MIOS: variants seen among roughly 807,000 people sequenced by gnomAD.
The protein encoded by MIOS is meiosis regulator for oocyte development.
In MIOS, 52 loss-of-function variants were observed where a neutral mutation model predicts 96.9. That is an observed-to-expected ratio of 0.54 (90% CI 0.43 to 0.68). The LOEUF is 0.68. Among genes scored for constraint, MIOS ranks in the 30% least tolerant of loss-of-function variants. The pLI, the probability that MIOS is intolerant of heterozygous loss-of-function variation, is 0.00. For missense variants in MIOS, 1,005 were observed against 1,052.8 expected, an observed-to-expected ratio of 0.95 and a Z score of 0.63; for synonymous variants, 397 against 359.5, an observed-to-expected ratio of 1.10 and a Z score of -1.18.
intron 11 of MIOS, among the ~76,000 whole-genome samples, chr7:7,601,227 C>T (rs951836518): frequency 6.6e-6 from 1 of 151,004 alleles, no homozygotes; most frequent in African/African-American, 2.4e-5. Context: ...CAGAGCAGAA[C>T]TGAAGGAAAT....
In MIOS at chr7:7,579,922, G is replaced by A. The variant is rs183356018; in HGVS notation, c.1394-3196G>A. ...CCCTACTGTTAATCAACTCATGACT[G>A]GATTGTTCTCTATTCTGTTCCATGA... is the stretch of plus-strand genomic sequence containing the variant. On this transcript the variant is annotated intron_variant, in intron 5 of 12. Coordinates refer to ENST00000340080, the MANE Select transcript of MIOS (RefSeq NM_019005.4). Among the ~76,000 whole-genome samples the A allele has an allele frequency of 4.6e-5, 7 of 152,242 alleles. No homozygotes were observed. The East Asian group carries it at 1.3e-3, about 29-fold the overall frequency.
At chr7:7,586,132 T>G (rs1242874655) in intron 7 of MIOS, among the ~76,000 whole-genome samples, 1 of 151,770 alleles carries the variant, frequency 6.6e-6, no homozygotes, top group Non-Finnish European at 1.5e-5. Context: ...ATATATTCGC[T>G]GTTTACACTG....
At chr7:7,598,892 A>C (rs930066314) in intron 11 of MIOS, among the ~76,000 whole-genome samples, 1 of 152,094 alleles carries the variant, frequency 6.6e-6, no homozygotes, top group Non-Finnish European at 1.5e-5. Context: ...ACATTTTTCC[A>C]TATTTGTTAT....
intron 11 of MIOS, chr7:7,605,727 AT>A (rs928771972): frequency 1.6e-4 from 68 of 435,680 alleles, no homozygotes; most frequent in South Asian, 2.0e-4. Context: ...GTGGGTTTGG[AT>A]TTTTTTTTCC....
chr7:7,597,517 T>TATAA (rs372634070), intron 11 of MIOS, among the ~76,000 whole-genome samples: 3 of 70,410 alleles, frequency 4.3e-5, no homozygotes, highest in Non-Finnish European at 5.5e-5. Context: ...TATATATATA[T>TATAA]GAAGGCAATA....
At position 7,605,976 on chromosome 7, in the gene MIOS, C is replaced by T. The variant is rs772585869; in HGVS notation, c.2436C>T (p.Ser812=). The T allele has an allele frequency of 1.3e-5, 21 of 1,613,642 alleles. No homozygotes were observed. The highest frequency in any genetic ancestry group is 1.7e-5 in the Non-Finnish European group (20 of 1,179,776). ...AATCAGATGAAAAAGTGGACTTGAG[C>T]AAGGACAAAAAATTAGCCCAATTTA... ...GTKSDEKVDL[S]KDKKLAQFNN... is the part of the protein sequence containing the mutation. Residue 812 remains serine (S), a synonymous_variant, in exon 12 of 13, where the codon AGC becomes AGT. Coordinates refer to ENST00000340080, the MANE Select transcript of MIOS (RefSeq NM_019005.4).
chr7:7,603,656 A>C (rs1476990647), intron 11 of MIOS, among the ~76,000 whole-genome samples: 1 of 152,190 alleles, frequency 6.6e-6, no homozygotes, highest in African/African-American at 2.4e-5. Context: ...CAGTGTGGCG[A>C]TTCCTCAGGG....
intron 5 of MIOS, chr7:7,581,768 G>A (rs1403871799): frequency 1.3e-5 from 2 of 152,178 alleles, no homozygotes; most frequent in Non-Finnish European, 2.9e-5. Context: ...ACATCTTCAA[G>A]ATCATCAGCA....
rs1188018136 is a variant in MIOS at position 7,607,844 on chromosome 7, T to C, written c.*752T>C. ...TCAGGTGAACATACAAAATTTTCAC[T>C]TTCTACCTTTTGCCTTCCAATGTCC... is the stretch of plus-strand genomic sequence containing the variant. On this transcript the variant is annotated 3_prime_UTR_variant, in exon 13 of 13. Transcript: ENST00000340080. 1 of 152,170 alleles carries C rather than the reference T, an allele frequency of 6.6e-6. No homozygotes were observed. Among genetic ancestry groups the C allele is most frequent in the Non-Finnish European group, 1.5e-5 (1 of 68,010 alleles). The allele number at this position is 152,170 out of a possible 1,614,324, so 9.4% of individuals were successfully genotyped here.
rs1350011861 is a variant in MIOS at position 7,572,152 on chromosome 7, A to G, written c.-40-284A>G. ...TTGTTATAACTCTGAAGTTAAGCTG[A>G]AGGTACTAGTAACAGTGCAATTAAG... On this transcript the variant is annotated intron_variant, in intron 3 of 12. Coordinates refer to ENST00000340080, the MANE Select transcript of MIOS (RefSeq NM_019005.4). The surrounding 1 kb of genome is among the most constrained non-coding windows in gnomAD (Gnocchi z 4.8). Among the ~76,000 whole-genome samples the G allele has an allele frequency of 6.6e-6, 1 of 152,252 alleles. No individual in the cohort carries two copies. The highest frequency in any genetic ancestry group is 1.5e-5 in the Non-Finnish European group (1 of 68,038).
In MIOS at chr7:7,576,196, A is replaced by G. The variant is rs570223706; in HGVS notation, c.1393+2000A>G. Among the ~76,000 whole-genome samples, 7 of 152,324 alleles carry G rather than the reference A, an allele frequency of 4.6e-5. No homozygotes were observed. The South Asian group carries it at 1.4e-3, about 32-fold the overall frequency. ...TTACTTTAATTTTTACAACTACAAT[A>G]TGAAGTAAGCTCATTCATTCAGCAA... On this transcript the variant is annotated intron_variant, in intron 5 of 12. Coordinates refer to ENST00000340080, the MANE Select transcript of MIOS (RefSeq NM_019005.4).
rs1206726486 is a variant in MIOS, at chr7:7,595,131, A to C, written c.2195A>C (p.Gln732Pro). 1.2e-6 allele frequency: 2 copies of C among 1,605,954 alleles called. No homozygotes were observed. Among genetic ancestry groups the C allele is most frequent in the Non-Finnish European group, 1.7e-6 (2 of 1,177,880 alleles). Residue 732 changes from glutamine (Q) to proline (P), a missense_variant and splice_region_variant, in exon 10 of 13, where the codon CAA (glutamine) becomes CCA (proline). Coordinates refer to ENST00000340080, the MANE Select transcript of MIOS (RefSeq NM_019005.4). ...GATCCCAGTTCCAAGCCTTTAGCAC[A>C]AGTAAGTACATTGTTTTGGAGAAAA... ...KLDPSSKPLA[Q>P]VFVSCNFCGK...
chr7:7,597,865 C>G (rs550175581), intron 11 of MIOS, among the ~76,000 whole-genome samples: 1 of 152,022 alleles, frequency 6.6e-6, no homozygotes, highest in Non-Finnish European at 1.5e-5. Context: ...GGGTTTCACC[C>G]TGTTGCCCTG....
intron 3 of MIOS, among the ~76,000 whole-genome samples, chr7:7,568,451 A>G (rs1783229500): frequency 6.6e-6 from 1 of 152,214 alleles, no homozygotes; most frequent in African/African-American, 2.4e-5. Context: ...GTTCATGAGC[A>G]AGGAACTGTT....
chr7:7,597,504 A>ATG (rs1784246550), intron 11 of MIOS, among the ~76,000 whole-genome samples: 2 of 72,916 alleles, frequency 2.7e-5, no homozygotes, highest in Non-Finnish European at 5.4e-5. Flanking sequence ...ATATATATAT[A>ATG]TATATATATA....
At position 7,572,798 on chromosome 7, in the gene MIOS, T is replaced by C; in HGVS notation, c.323T>C (p.Phe108Ser). 6.2e-7 allele frequency: 1 copy of C among 1,614,118 alleles called. No homozygotes were observed. Among genetic ancestry groups the C allele is most frequent in the Non-Finnish European group, 8.5e-7 (1 of 1,179,966 alleles). Residue 108 changes from phenylalanine (F) to serine (S), a missense_variant, in exon 4 of 13, where the codon TTT becomes TCT. By Grantham distance (155) the Phe-to-Ser change is radical. Coordinates refer to ENST00000340080, the MANE Select transcript of MIOS (RefSeq NM_019005.4). The surrounding 1 kb of genome is among the most constrained non-coding windows in gnomAD (Gnocchi z 4.8). ...SKFKDLIGKE[F>S]VPKHARQCNT... is the part of the protein sequence containing the mutation. ...TTCAAAGATTTGATAGGAAAAGAGTTTGTTCCAAAACATGCACGACAATGT... is the reference window on the plus strand; with the variant it reads ...TTCAAAGATTTGATAGGAAAAGAGTCTGTTCCAAAACATGCACGACAATGT...
At chr7:7,594,495 A>G (rs762188001) in intron 9 of MIOS, among the ~76,000 whole-genome samples, 8 of 152,078 alleles carry the variant, frequency 5.3e-5, no homozygotes, top group Non-Finnish European at 1.2e-4. Context: ...GGGTTTCACC[A>G]TGTTGGCCAG....
At chr7:7,588,048 G>A (rs1287501982) in intron 7 of MIOS, among the ~76,000 whole-genome samples, 1 of 152,046 alleles carries the variant, frequency 6.6e-6, no homozygotes, top group Non-Finnish European at 1.5e-5. Flanking sequence ...ACGTATATTG[G>A]TATTCTTCTA....
chr7:7,593,632 G>T lies in MIOS; in HGVS notation c.2044-1348G>T, dbSNP rs533448027. On this transcript the variant is annotated intron_variant, in intron 9 of 12. Transcript: ENST00000340080. ...AAAGCGGCCGGGCACGGTGACTCAT[G>T]CGTGTAATCCCAGCACTTTGGGAGG... Among the ~76,000 whole-genome samples the T allele has an allele frequency of 2.6e-5, 4 of 152,074 alleles. No homozygotes were observed. The East Asian group carries it at 5.8e-4, about 22-fold the overall frequency.
Sources: gnomAD v4.1 joint callset for allele counts (sites outside exome capture counted in the v4.1 genomes callset) on GRCh38, gnomAD v4.1.1 for gene constraint, Gnocchi (gnomAD v3.1) non-coding constraint, MANE v1.5 for transcripts, NCBI Gene and HGNC (gene_info 2026-07-23, HGNC 2026-07-21) for gene names.